ABCC4: variants seen among roughly 807,000 people sequenced by gnomAD.
ABCC4 encodes ATP binding cassette subfamily C member 4 (PEL blood group).
Under a neutral mutation model 168.5 loss-of-function variants are expected in ABCC4, and 102 were observed. The ratio of observed to expected loss-of-function variants is 0.61; its 90% CI spans 0.52 to 0.71. ABCC4 has a LOEUF of 0.71. ABCC4 is among the 30% of genes least tolerant of loss of function. The pLI, the probability that ABCC4 is intolerant of heterozygous loss-of-function variation, is 0.00. For synonymous variants in ABCC4, 617 were observed against 590.7 expected, an observed-to-expected ratio of 1.04 and a Z score of -0.65; for missense variants, 1,402 against 1,605.8, an observed-to-expected ratio of 0.87 and a Z score of 2.17.
intron 2 of ABCC4, 97 bp from the exon 3 acceptor site, chr13:95,247,192 C>A: frequency 7.4e-7 from 1 of 1,345,094 alleles, no homozygotes; most frequent in Non-Finnish European, 1.0e-6. Flanking sequence ...TAAGACAGGG[C>A]ATTTTGTGAC....
intron 8 of ABCC4, among the ~76,000 whole-genome samples, chr13:95,203,649 C>T (rs572068353): frequency 1.2e-3 from 188 of 152,174 alleles, no homozygotes; most frequent in African/African-American, 4.3e-3. Context: ...TAAGCCACCG[C>T]GCCTGGCCAG....
At chr13:95,273,749 C>T (rs1356904930) in intron 1 of ABCC4, among the ~76,000 whole-genome samples, 1 of 147,288 alleles carries the variant, frequency 6.8e-6, no homozygotes, top group Non-Finnish European at 1.5e-5. Context: ...GGGGGCGGGT[C>T]TTTCCTGTGC....
At chr13:95,109,737 T>C (rs1050226431) in intron 20 of ABCC4, among the ~76,000 whole-genome samples, 4 of 152,148 alleles carry the variant, frequency 2.6e-5, no homozygotes, top group Non-Finnish European at 4.4e-5. Flanking sequence ...TCCTACAGTA[T>C]CCCTTCTATT....
At chr13:95,255,936 T>A (rs2040381051) in intron 1 of ABCC4, among the ~76,000 whole-genome samples, 1 of 152,098 alleles carries the variant, frequency 6.6e-6, no homozygotes, top group African/African-American at 2.4e-5. Context: ...CCTCACTTTA[T>A]AATCCCATCT....
chr13:95,136,436 T>G (rs991298936), intron 19 of ABCC4, among the ~76,000 whole-genome samples: 1 of 152,128 alleles, frequency 6.6e-6, no homozygotes, highest in Non-Finnish European at 1.5e-5. Context: ...ATTACAGGCG[T>G]GAGCCACCGT....
chr13:95,237,387 A>G (rs1489370894), intron 3 of ABCC4, among the ~76,000 whole-genome samples: 2 of 152,230 alleles, frequency 1.3e-5, no homozygotes, highest in African/African-American at 4.8e-5. Context: ...CTTTCTAAAT[A>G]TCAGTACCAA....
At chr13:95,255,309 C>T (rs541380805) in intron 1 of ABCC4, among the ~76,000 whole-genome samples, 1 of 152,234 alleles carries the variant, frequency 6.6e-6, no homozygotes, top group Non-Finnish European at 1.5e-5. Flanking sequence ...TCACCAGGGC[C>T]TCTGTCCTTA....
chr13:95,073,743 G>A (rs913489571), intron 23 of ABCC4, among the ~76,000 whole-genome samples: 2 of 152,110 alleles, frequency 1.3e-5, no homozygotes, highest in African/African-American at 4.8e-5. Context: ...ATTAAGTATT[G>A]TAATGCACTG....
chr13:95,166,060 G>T, intron 15 of ABCC4, 98 bp downstream of exon 15: 1 of 1,169,272 alleles, frequency 8.6e-7, no homozygotes, highest in Non-Finnish European at 1.2e-6. Context: ...ATCCACTTTG[G>T]GACAAAAGAT....
chr13:95,131,342 G>A (rs1403092350), intron 19 of ABCC4, among the ~76,000 whole-genome samples: 2 of 152,094 alleles, frequency 1.3e-5, no homozygotes, highest in Non-Finnish European at 2.9e-5. Flanking sequence ...GGGAAGAGTT[G>A]CCCAGCCAGG....
rs35705143 is a variant in ABCC4, at chr13:95,055,900, CA to C, written c.3367-2717del. The C allele has an allele frequency of 1.4e-4, 20 of 147,050 alleles. No homozygotes were observed. The East Asian group carries it at 2.4e-3, about 18-fold the overall frequency. 9.1% of individuals were successfully genotyped at this position (147,050 alleles called of 1,614,324 possible). A position where few individuals can be genotyped will look rare whatever the true frequency, so the allele number is the denominator to read the frequency against. On this transcript the variant is annotated intron_variant, in intron 26 of 30. Transcript: ENST00000645237. ...TGTCTCAAAACAACAGCAACAACAG[CA>C]AAAAAAAAACCCACCACGTGACCTA... is the stretch of plus-strand genomic sequence containing the variant.
At chr13:95,064,913 T>G (rs1239355215) in intron 25 of ABCC4, among the ~76,000 whole-genome samples, 1 of 152,330 alleles carries the variant, frequency 6.6e-6, no homozygotes, top group Non-Finnish European at 1.5e-5. Flanking sequence ...ATCAGTAAGT[T>G]TACATTCATA....
intron 20 of ABCC4, among the ~76,000 whole-genome samples, chr13:95,112,023 A>T (rs1376785967): frequency 6.6e-6 from 1 of 152,212 alleles, no homozygotes; most frequent in Non-Finnish European, 1.5e-5. Context: ...ACCATCATAC[A>T]GAAAACGTAA....
In ABCC4 at chr13:95,085,736, G is replaced by A. The variant is rs552364867; in HGVS notation, c.2536-2446C>T. On this transcript the variant is annotated intron_variant, in intron 20 of 30. Coordinates refer to ENST00000645237, the MANE Select transcript of ABCC4 (RefSeq NM_005845.5). Reference sequence around the variant, plus strand: ...TGTACCTAGCTGACAGCCAAAGAAAGGTACAATTGCCCTGCCCTCCCAAAA... The same window carrying A: ...TGTACCTAGCTGACAGCCAAAGAAAAGTACAATTGCCCTGCCCTCCCAAAA... 2.0e-4 allele frequency among the ~76,000 whole-genome samples: 30 copies of A among 152,240 alleles called. No homozygotes were observed. The South Asian group carries it at 5.8e-3, about 30-fold the overall frequency.
At chr13:95,232,411 G>C (rs1382223469) in intron 4 of ABCC4, among the ~76,000 whole-genome samples, 2 of 152,270 alleles carry the variant, frequency 1.3e-5, no homozygotes, top group East Asian at 3.9e-4. Flanking sequence ...GGGTGCGGTG[G>C]CTCCCACCTG....
chr13:95,144,915 A>C (rs1181914093), intron 19 of ABCC4, among the ~76,000 whole-genome samples: 2 of 152,176 alleles, frequency 1.3e-5, no homozygotes, highest in African/African-American at 2.4e-5. Context: ...ATAGCGTCCA[A>C]AGAGCCAAAG....
rs1059751 is a variant in ABCC4, at chr13:95,020,696, A to G, written c.*879T>C. ...ATACAGCCCAAACCAAAAGGCTTAC[A>G]GTCAACAGAGGGTTAGCCTTCCATA... is the stretch of plus-strand genomic sequence containing the variant. On this transcript the variant is annotated 3_prime_UTR_variant, in exon 31 of 31. Transcript: ENST00000645237. 63,315 of 152,108 alleles carry G rather than the reference A, an allele frequency of 0.42. 13,866 individuals carry two copies. The highest frequency in any genetic ancestry group is 0.49 in the East Asian group (2,556 of 5,176). The allele number at this position is 152,108 out of a possible 1,614,324, so 9.4% of individuals were successfully genotyped here. A position where few individuals can be genotyped will look rare whatever the true frequency, so the allele number is the denominator to read the frequency against.
At chr13:95,057,166 T>C (rs1303865703) in intron 26 of ABCC4, among the ~76,000 whole-genome samples, 1 of 152,220 alleles carries the variant, frequency 6.6e-6, no homozygotes, top group Non-Finnish European at 1.5e-5. Flanking sequence ...TTAGGGAAAT[T>C]ATTTAGGAAG....
intron 30 of ABCC4, among the ~76,000 whole-genome samples, chr13:95,028,515 G>T (rs1338238962): frequency 6.6e-6 from 1 of 151,968 alleles, no homozygotes; most frequent in Admixed American, 6.6e-5. Context: ...AATAATTTCT[G>T]GGCCAGAGAA....
Sources: allele counts gnomAD v4.1 joint callset (sites outside exome capture counted in the v4.1 genomes callset), GRCh38; gene constraint gnomAD v4.1.1; transcripts MANE v1.5; gene names NCBI Gene and HGNC (gene_info 2026-07-23, HGNC 2026-07-21).